CERS6: variants seen among roughly 807,000 people sequenced by gnomAD.
CERS6 encodes the protein ceramide synthase 6.
A neutral mutation model predicts 56.8 loss-of-function variants in CERS6; 26 were observed. The observed-to-expected ratio is 0.46, with a 90% confidence interval of 0.34 to 0.63. The LOEUF is 0.63. Ranked by LOEUF, CERS6 falls within the 30% of genes least tolerant of loss-of-function variation. The probability of loss-of-function intolerance (pLI) is 0.01; values close to 1 mark genes in which losing one functional copy is unlikely to be tolerated. For synonymous variants in CERS6, 164 were observed against 173.3 expected, an observed-to-expected ratio of 0.95 and a Z score of 0.42; for missense variants, 415 against 467.5, an observed-to-expected ratio of 0.89 and a Z score of 1.04.
intron 1 of CERS6, among the ~76,000 whole-genome samples, chr2:168,513,986 AAAAC>A (rs1694842713): frequency 6.6e-6 from 1 of 152,188 alleles, no homozygotes; most frequent in African/African-American, 2.4e-5. Flanking sequence ...CAAAGTGAAA[AAAAC>A]CCTGTGCTTG....
rs1441453157 is a variant in CERS6 at position 168,531,625 on chromosome 2, C to A, written c.171-15971C>A. 4.6e-5 allele frequency among the ~76,000 whole-genome samples: 7 copies of A among 152,214 alleles called. No homozygotes were observed. In the East Asian group the frequency reaches 1.4e-3, roughly 29 times the overall value. On this transcript the variant is annotated intron_variant, in intron 1 of 9. Coordinates refer to ENST00000305747, the MANE Select transcript of CERS6 (RefSeq NM_203463.3). ...TCACCTGAGCTCAGGAGTTTGAGAC[C>A]AGCATGACCAACATGGTGAAACCCC...
rs1400379735 is a variant in CERS6 at position 168,774,652 on chromosome 2, AAAG to A, written c.*4993_*4995del. 4 of 152,106 alleles carry A rather than the reference AAAG, an allele frequency of 2.6e-5. No individual in the cohort carries two copies. Among genetic ancestry groups the A allele is most frequent in the African/African-American group, 9.7e-5 (4 of 41,442 alleles). The allele number at this position is 152,106 out of a possible 1,614,324, so 9.4% of individuals were successfully genotyped here. ...AAATAAGATTACCTGCAAAAAAAAAAAAGAAATGAGTTATGGAATAGGAACAGT... is the reference window on the plus strand; with the variant it reads ...AAATAAGATTACCTGCAAAAAAAAAAAAATGAGTTATGGAATAGGAACAGT... On this transcript the variant is annotated 3_prime_UTR_variant, in exon 10 of 10. Transcript: ENST00000305747.
chr2:168,686,971 G>T (rs1189225933), intron 4 of CERS6, among the ~76,000 whole-genome samples: 1 of 152,212 alleles, frequency 6.6e-6, no homozygotes, highest in Non-Finnish European at 1.5e-5. Flanking sequence ...ATCAGGGCTG[G>T]TGGGAGACTT....
chr2:168,659,298 A>C (rs1312599870), intron 4 of CERS6, among the ~76,000 whole-genome samples: 1 of 152,240 alleles, frequency 6.6e-6, no homozygotes, highest in Non-Finnish European at 1.5e-5. Context: ...AAAATGTTCA[A>C]ATAGTTCAAA....
At chr2:168,635,344 GCTGCTGGAATGAACTGCTA>G (rs1478972334) in intron 4 of CERS6, among the ~76,000 whole-genome samples, 1 of 152,216 alleles carries the variant, frequency 6.6e-6, no homozygotes, top group Non-Finnish European at 1.5e-5. Flanking sequence ...ACCAGCTGCT[GCTGCTGGAATGAACTGCTA>G]CTGCTGGAGT....
intron 1 of CERS6, among the ~76,000 whole-genome samples, chr2:168,498,590 A>G (rs893870626): frequency 4.6e-5 from 7 of 152,222 alleles, no homozygotes; most frequent in African/African-American, 9.7e-5. Flanking sequence ...CATGTGTCCC[A>G]CGTTCACCTG....
rs548323001 is a variant in CERS6 at position 168,456,996 on chromosome 2, A to C, written c.170+378A>C. Among the ~76,000 whole-genome samples, 2 of 152,326 alleles carry C rather than the reference A, an allele frequency of 1.3e-5. No individual in the cohort carries two copies. The highest frequency in any genetic ancestry group is 4.1e-4 in the South Asian group (2 of 4,828). On this transcript the variant is annotated intron_variant, in intron 1 of 9. Transcript: ENST00000305747. The surrounding 1 kb of genome is among the most constrained non-coding windows in gnomAD (Gnocchi z 4.1). The stretch of plus-strand genomic sequence containing the variant: ...CGCCGGCGCGCCACGCAAGGCTGCC[A>C]GGCAGGGCTTCCCGCCGGGGCCCGC...
At chr2:168,536,914 A>G (rs913940678) in intron 1 of CERS6, among the ~76,000 whole-genome samples, 3 of 151,916 alleles carry the variant, frequency 2.0e-5, no homozygotes, top group African/African-American at 7.3e-5. Flanking sequence ...AAAAATTACA[A>G]AAATGAAGAT....
At chr2:168,583,555 C>A (rs1006743919) in intron 3 of CERS6, among the ~76,000 whole-genome samples, 5 of 152,146 alleles carry the variant, frequency 3.3e-5, no homozygotes, top group Non-Finnish European at 7.4e-5. Context: ...GGGTGGCCTC[C>A]CTGGGTCTTA....
At chr2:168,507,391 C>G (rs1201793254) in intron 1 of CERS6, among the ~76,000 whole-genome samples, 3 of 152,096 alleles carry the variant, frequency 2.0e-5, no homozygotes, top group African/African-American at 7.2e-5. Flanking sequence ...CTTTTGTATC[C>G]TTGACAGTTT....
intron 2 of CERS6, among the ~76,000 whole-genome samples, chr2:168,559,468 G>A (rs914234080): frequency 1.3e-5 from 2 of 151,970 alleles, no homozygotes; most frequent in Admixed American, 6.6e-5. Context: ...GTTGGCACAT[G>A]GCCATCTTCT....
At chr2:168,741,768 A>G (rs148867583) in intron 8 of CERS6, among the ~76,000 whole-genome samples, 12 of 152,334 alleles carry the variant, frequency 7.9e-5, no homozygotes, top group African/African-American at 2.9e-4. Context: ...ATGTGTTGCT[A>G]TTCACATGAA....
chr2:168,537,004 C>T (rs1170576251), intron 1 of CERS6, among the ~76,000 whole-genome samples: 2 of 152,158 alleles, frequency 1.3e-5, no homozygotes, highest in Admixed American at 1.3e-4. Flanking sequence ...AATGCCTTTG[C>T]TTTGTCCATA....
intron 6 of CERS6, among the ~76,000 whole-genome samples, chr2:168,702,074 A>G (rs1686819103): frequency 6.6e-6 from 1 of 152,094 alleles, no homozygotes; most frequent in African/African-American, 2.4e-5. Context: ...ACACCCATCT[A>G]TTTTTATATT....
chr2:168,638,133 A>C (rs754545435), intron 4 of CERS6, among the ~76,000 whole-genome samples: 1 of 152,156 alleles, frequency 6.6e-6, no homozygotes, highest in Non-Finnish European at 1.5e-5. Flanking sequence ...GCTACTTTCA[A>C]CTGAACTCAT....
Position 168,561,302 on chromosome 2 carries a change from G to C in CERS6, c.387G>C (p.Leu129=), listed in dbSNP as rs773137836. The C allele has an allele frequency of 2.5e-6, 4 of 1,614,032 alleles. No individual in the cohort carries two copies. The highest frequency in any genetic ancestry group is 2.5e-6 in the Non-Finnish European group (3 of 1,180,000). ...GCAATCAGGAGAAGCCAAGCACGCTGACGAGGTTCTGTGAGAGCATGTAAG... is the reference window on the plus strand; with the variant it reads ...GCAATCAGGAGAAGCCAAGCACGCTCACGAGGTTCTGTGAGAGCATGTAAG... The part of the protein sequence containing the change: ...QRRNQEKPST[L]TRFCESMWRF... Residue 129 remains leucine, a synonymous_variant, in exon 3 of 10, where the codon CTG becomes CTC. Transcript: ENST00000305747.
At chr2:168,546,861 C>A (rs936369378) in intron 1 of CERS6, among the ~76,000 whole-genome samples, 1 of 152,206 alleles carries the variant, frequency 6.6e-6, no homozygotes, top group African/African-American at 2.4e-5. Context: ...GCCCCATGCA[C>A]TTCACCTGCT....
intron 4 of CERS6, among the ~76,000 whole-genome samples, chr2:168,660,471 C>T (rs75325436): frequency 0.051 from 7,752 of 152,140 alleles, 529 homozygotes; most frequent in African/African-American, 0.15. Context: ...GATGCTTTGC[C>T]TTTTCCCAAG....
chr2:168,470,613 T>C (rs1693959016), intron 1 of CERS6, among the ~76,000 whole-genome samples: 2 of 152,202 alleles, frequency 1.3e-5, no homozygotes, highest in South Asian at 2.1e-4. Context: ...TTTTTTGTTT[T>C]CCTTCTGCCT....
Sources: allele counts gnomAD v4.1 joint callset (sites outside exome capture counted in the v4.1 genomes callset), GRCh38; gene constraint gnomAD v4.1.1; non-coding constraint Gnocchi (gnomAD v3.1); transcripts MANE v1.5; gene names NCBI Gene and HGNC (gene_info 2026-07-23, HGNC 2026-07-21).